AGL: variants seen among roughly 807,000 people sequenced by gnomAD.
AGL encodes glycogen debranching enzyme.
AGL carries 128 observed loss-of-function variants against 199.3 expected under a neutral mutation model. That is an observed-to-expected ratio of 0.64 (90% CI 0.56 to 0.74). The LOEUF (loss-of-function observed/expected upper bound fraction) is 0.74, where lower values mean the gene tolerates loss of function less well. Among genes scored for constraint, AGL ranks in the 30% least tolerant of loss-of-function variants. The probability of loss-of-function intolerance (pLI) is 0.00; values close to 1 mark genes in which losing one functional copy is unlikely to be tolerated. For missense variants in AGL, 1,809 were observed against 1,820.8 expected, an observed-to-expected ratio of 0.99 and a Z score of 0.12; for synonymous variants, 584 against 594.7, an observed-to-expected ratio of 0.98 and a Z score of 0.26.
At chr1:99,880,175 T>C in intron 13 of AGL, 129 bp downstream of exon 13, 2 of 1,368,870 alleles carry the variant, frequency 1.5e-6, no homozygotes, top group Non-Finnish European at 2.0e-6. Flanking sequence ...AAATACTTTG[T>C]ATGACATATT....
chr1:99,862,112 G>A (rs994711442), intron 3 of AGL, 145 bp from the exon 4 acceptor site: 7 of 887,642 alleles, frequency 7.9e-6, no homozygotes, highest in Admixed American at 2.3e-5. Flanking sequence ...AAGTTTTGTT[G>A]CAACTTTTAA....
At chr1:99,870,255 T>C in intron 5 of AGL, 145 bp from the exon 6 acceptor site, 1 of 829,180 alleles carries the variant, frequency 1.2e-6, no homozygotes. Flanking sequence ...AAACTTTTCC[T>C]GTAACAGTAT....
chr1:99,910,553 G>A lies in AGL; in HGVS notation c.3701-159G>A, dbSNP rs115302979. 3.5e-3 allele frequency among the ~76,000 whole-genome samples: 527 copies of A among 152,166 alleles called. 4 individuals carry two copies. The highest frequency in any genetic ancestry group is 0.012 in the African/African-American group (503 of 41,526). On this transcript the variant is annotated intron_variant, in intron 27 of 33. Coordinates refer to ENST00000361915, the MANE Select transcript of AGL (RefSeq NM_000642.3). The stretch of plus-strand genomic sequence containing the variant: ...TATACACATCTCCAACTTTGTGCTT[G>A]TATATTCTGGATACAAAATAATAAG...
At chr1:99,850,493 C>T (rs1648864339) in intron 1 of AGL, 78 bp downstream of exon 1, 1 of 159,854 alleles carries the variant, frequency 6.3e-6, no homozygotes, top group Admixed American at 5.9e-5. Context: ...CATCTTCTGT[C>T]TACGGCAGCT....
At chr1:99,852,059 C>T (rs1648996318) in intron 2 of AGL, among the ~76,000 whole-genome samples, 1 of 151,952 alleles carries the variant, frequency 6.6e-6, no homozygotes, top group Admixed American at 6.6e-5. Flanking sequence ...GTTGCATATT[C>T]TTGTCAACTT....
At chr1:99,907,686 G>GTTTTTTTT (rs1238445536) in intron 27 of AGL, among the ~76,000 whole-genome samples, 2 of 59,846 alleles carry the variant, frequency 3.3e-5, no homozygotes, top group African/African-American at 1.1e-4. Flanking sequence ...GTTTGTTTTT[G>GTTTTTTTT]TTTTTTGTTT....
chr1:99,863,810 G>T (rs1461748048), intron 4 of AGL, among the ~76,000 whole-genome samples: 3 of 140,532 alleles, frequency 2.1e-5, no homozygotes, highest in Non-Finnish European at 4.5e-5. Flanking sequence ...GCAGTGGCCT[G>T]ATCTATTTTT....
chr1:99,918,828 A>G (rs1655314266), intron 33 of AGL, among the ~76,000 whole-genome samples: 1 of 152,180 alleles, frequency 6.6e-6, no homozygotes, highest in Non-Finnish European at 1.5e-5. Flanking sequence ...ATTATTCTCC[A>G]TTAGTGAATC....
chr1:99,898,217 T>C (rs930302674), intron 25 of AGL, among the ~76,000 whole-genome samples: 1 of 152,102 alleles, frequency 6.6e-6, no homozygotes, highest in Non-Finnish European at 1.5e-5. Flanking sequence ...CGGCTAATTT[T>C]TTGTATTTTT....
intron 5 of AGL, 42 bp from the exon 6 acceptor site, chr1:99,870,358 T>A (rs779491504): frequency 3.2e-6 from 5 of 1,580,008 alleles, no homozygotes; most frequent in Non-Finnish European, 2.6e-6. Context: ...ACAGTTTCAA[T>A]TTAATTATGA....
chr1:99,876,686 A>AT (rs1161337210), intron 11 of AGL, 89 bp downstream of exon 11: 2 of 1,438,010 alleles, frequency 1.4e-6, no homozygotes, highest in East Asian at 4.6e-5. Flanking sequence ...TTTCTTCCCC[A>AT]TTAGTCTATT....
chr1:99,851,111 C>T lies in AGL; in HGVS notation c.69C>T (p.Phe23=), dbSNP rs1571206197. The T allele has an allele frequency of 6.2e-7, 1 of 1,613,838 alleles. No individual in the cohort carries two copies. The highest frequency in any genetic ancestry group is 8.5e-7 in the Non-Finnish European group (1 of 1,179,862). The change falls in exon 2 of 34, where the codon TTC becomes TTT. Residue 23 remains phenylalanine (F), a synonymous_variant. Transcript: ENST00000361915. ...TGGAGAAACTGGAAAAGACCCTCTT[C>T]AGACTTGAACAAGGTCAGTAGCAAG... ...NEMEKLEKTL[F]RLEQGYELQF...
rs1335103886 is a variant in AGL, at chr1:99,856,326, TCCTC to T, written c.83-5141_83-5138del. Among the ~76,000 whole-genome samples, 151 of 48,836 alleles carry T rather than the reference TCCTC, an allele frequency of 3.1e-3. 1 individual carries two copies. The highest frequency in any genetic ancestry group is 0.021 in the East Asian group (17 of 828). The allele number at this position is 48,836 out of a possible 152,430, so 32.0% of individuals were successfully genotyped here. A position where few individuals can be genotyped will look rare whatever the true frequency, so the allele number is the denominator to read the frequency against. On this transcript the variant is annotated intron_variant, in intron 2 of 33. Coordinates refer to ENST00000361915, the MANE Select transcript of AGL (RefSeq NM_000642.3). ...TTCCTTCCTCCCTCCCTCCCTTCCT[TCCTC>T]CCTCCCTCCCTCCCTCCCTCCCTCC...
At chr1:99,906,169 C>G (rs1051522286) in intron 27 of AGL, among the ~76,000 whole-genome samples, 2 of 152,138 alleles carry the variant, frequency 1.3e-5, no homozygotes, top group South Asian at 4.1e-4. Context: ...GAACCACTAT[C>G]CTACTTTCTG....
chr1:99,860,326 A>C (rs1043685330), intron 2 of AGL, among the ~76,000 whole-genome samples: 4 of 151,930 alleles, frequency 2.6e-5, no homozygotes, highest in African/African-American at 9.7e-5. Context: ...AATTCCTTAG[A>C]TATTAAAGAT....
At chr1:99,866,800 T>TTTTCTTTCTTTA (rs58319897) in intron 5 of AGL, among the ~76,000 whole-genome samples, 10,335 of 151,082 alleles carry the variant, frequency 0.068, 593 homozygotes, top group African/African-American at 0.16. Flanking sequence ...ACAAGTTTTC[T>TTTTCTTTCTTTA]TTTATTTATT....
chr1:99,911,767 T>G (rs921197895), intron 28 of AGL, among the ~76,000 whole-genome samples: 3 of 152,098 alleles, frequency 2.0e-5, no homozygotes, highest in African/African-American at 7.2e-5. Flanking sequence ...TTATCTTCAG[T>G]AAGAATTGTC....
chr1:99,855,732 C>T (rs1649364173), intron 2 of AGL, among the ~76,000 whole-genome samples: 1 of 151,538 alleles, frequency 6.6e-6, no homozygotes. Context: ...ACCCAGGAGG[C>T]AGAGGTTGCA....
rs1651362578 is a variant in AGL, at chr1:99,874,799, C to T, written c.1071C>T (p.Phe357=). The T allele has an allele frequency of 9.3e-6, 15 of 1,613,238 alleles. No individual in the cohort carries two copies. The highest frequency in any genetic ancestry group is 1.3e-5 in the African/African-American group (1 of 74,904). The change falls in exon 8 of 34, where the codon TTC becomes TTT. Residue 357 remains phenylalanine, a synonymous_variant. Transcript: ENST00000361915. Reference sequence around the variant, plus strand: ...ATATGAACATTGCACTAACGACTTTCATACCACATGAGTATGTAATGTGTT... The same window carrying T: ...ATATGAACATTGCACTAACGACTTTTATACCACATGAGTATGTAATGTGTT... ...TVDMNIALTT[F]IPHDKGPAAI... is the part of the protein sequence containing the mutation.
Sources: gnomAD v4.1 joint callset for allele counts (sites outside exome capture counted in the v4.1 genomes callset) on GRCh38, gnomAD v4.1.1 for gene constraint, MANE v1.5 for transcripts, NCBI Gene and HGNC (gene_info 2026-07-23, HGNC 2026-07-21) for gene names.